The following MYLK variants were observed in gnomAD, a reference collection of about 807,000 sequenced individuals.
The protein encoded by MYLK is myosin light chain kinase, smooth muscle.
In MYLK, 106 loss-of-function variants were observed where a neutral mutation model predicts 203.4. That is an observed-to-expected ratio of 0.52 (90% confidence interval 0.45 to 0.61). The LOEUF (loss-of-function observed/expected upper bound fraction) is 0.61. MYLK is among the 20% of genes least tolerant of loss of function. The pLI, the probability that MYLK is intolerant of heterozygous loss-of-function variation, is 0.00. For synonymous variants in MYLK, 867 were observed against 959.5 expected (o/e 0.90, Z 1.78); for missense variants, 2,072 against 2,442.3 (o/e 0.85, Z 3.20).
intron 3 of MYLK, among the ~76,000 whole-genome samples, chr3:123,801,664 T>C (rs1413560262): frequency 6.6e-6 from 1 of 152,210 alleles, no homozygotes; most frequent in Non-Finnish European, 1.5e-5. Context: ...CACTTACAAG[T>C]GAGAACATGT....
chr3:123,692,324 T>A, intron 19 of MYLK: 1 of 1,161,406 alleles, frequency 8.6e-7, no homozygotes, highest in Non-Finnish European at 1.1e-6. Flanking sequence ...CTCTGCTCCC[T>A]CCTCCTCACG....
chr3:123,692,206 A>G lies in MYLK; in HGVS notation c.3565+529T>C, dbSNP rs796341043. The G allele has an allele frequency of 1.0e-4, 60 of 600,138 alleles. No individual in the cohort carries two copies. In the African/African-American group the frequency reaches 1.0e-3, roughly 10 times the overall value. The allele number at this position is 600,138 out of a possible 1,614,324, so 37.2% of individuals were successfully genotyped here. A position where few individuals can be genotyped will look rare whatever the true frequency, so the allele number is the denominator to read the frequency against. ...GTGTCCTCCCACCTCCCTCTGCAGTATTATTATTACTACTACCATTTTGTT... is the reference window on the plus strand; with the variant it reads ...GTGTCCTCCCACCTCCCTCTGCAGTGTTATTATTACTACTACCATTTTGTT... On this transcript the variant is annotated intron_variant, in intron 19 of 33. Coordinates refer to ENST00000360304, the MANE Select transcript of MYLK (RefSeq NM_053025.4).
intron 2 of MYLK, among the ~76,000 whole-genome samples, chr3:123,870,269 A>C (rs1242017399): frequency 6.6e-6 from 1 of 152,216 alleles, no homozygotes; most frequent in Non-Finnish European, 1.5e-5. Context: ...AGAGTCTCAA[A>C]ATGAAAGATC....
intron 3 of MYLK, among the ~76,000 whole-genome samples, chr3:123,796,649 C>T (rs1244591554): frequency 6.6e-6 from 1 of 152,108 alleles, no homozygotes; most frequent in Non-Finnish European, 1.5e-5. Flanking sequence ...AGAGGATGTA[C>T]CACTGAACAC....
In MYLK at chr3:123,840,370, TTA is replaced by T. The variant is rs56361020; in HGVS notation, c.-126-8702_-126-8701del. 2.2e-4 allele frequency among the ~76,000 whole-genome samples: 32 copies of T among 148,608 alleles called. 1 individual carries two copies. The highest frequency in any genetic ancestry group is 3.2e-3 in the Middle Eastern group (1 of 308). On this transcript the variant is annotated intron_variant, in intron 2 of 33. Transcript: ENST00000360304. ...AACATCACTACAAATCCTACAGACA[TTA>T]TATATATATATATATATATATGAAT... is the stretch of plus-strand genomic sequence containing the variant.
intron 19 of MYLK, among the ~76,000 whole-genome samples, chr3:123,683,092 G>A (rs1461756149): frequency 6.6e-6 from 1 of 152,084 alleles, no homozygotes; most frequent in African/African-American, 2.4e-5. Context: ...CTGGCCCCCA[G>A]GACACTATGG....
intron 1 of MYLK, among the ~76,000 whole-genome samples, chr3:123,879,722 C>T (rs1009594472): frequency 4.6e-5 from 7 of 152,170 alleles, no homozygotes; most frequent in Non-Finnish European, 1.5e-5. Flanking sequence ...GCAAGCTCCG[C>T]CTCCTGGGTT....
At chr3:123,667,229 T>C in intron 20 of MYLK, 42 bp from the exon 21 acceptor site, 1 of 1,597,622 alleles carries the variant, frequency 6.3e-7, no homozygotes, top group Non-Finnish European at 8.6e-7. Context: ...GTAGTTCTGT[T>C]TTTTTCACAA....
intron 4 of MYLK, among the ~76,000 whole-genome samples, chr3:123,769,053 G>C (rs772885153): frequency 2.6e-5 from 4 of 152,126 alleles, no homozygotes; most frequent in Non-Finnish European, 5.9e-5. Context: ...ATGTTGATCT[G>C]ATCACAGTTC....
At chr3:123,694,375 C>T (rs918421032) in intron 18 of MYLK, among the ~76,000 whole-genome samples, 17 of 152,190 alleles carry the variant, frequency 1.1e-4, no homozygotes, top group African/African-American at 2.9e-4. Flanking sequence ...GGAAGTCTGT[C>T]ATAAGAGTAA....
intron 4 of MYLK, among the ~76,000 whole-genome samples, chr3:123,753,501 A>T (rs548938657): frequency 3.6e-5 from 5 of 140,534 alleles, no homozygotes; most frequent in Non-Finnish European, 7.6e-5. Flanking sequence ...TTTGAGATGG[A>T]GTCTTGCTCT....
At chr3:123,748,269 G>C (rs1479521924) in intron 5 of MYLK, among the ~76,000 whole-genome samples, 5 of 152,182 alleles carry the variant, frequency 3.3e-5, no homozygotes, top group Non-Finnish European at 7.3e-5. Context: ...TCACCAAGGG[G>C]ATGGTATTAA....
chr3:123,875,888 A>G (rs1259196436), intron 2 of MYLK, among the ~76,000 whole-genome samples: 1 of 152,184 alleles, frequency 6.6e-6, no homozygotes. Context: ...CTGAATATTT[A>G]TTTTTTTCAA....
chr3:123,815,621 A>G (rs568934522), intron 3 of MYLK, among the ~76,000 whole-genome samples: 2 of 152,256 alleles, frequency 1.3e-5, no homozygotes, highest in African/African-American at 2.4e-5. Flanking sequence ...GCAGGATCTA[A>G]GAGCCTCTAA....
intron 23 of MYLK, 129 bp downstream of exon 23, chr3:123,663,976 C>T (rs919382568): frequency 5.9e-6 from 8 of 1,354,670 alleles, no homozygotes; most frequent in Non-Finnish European, 7.4e-6. Context: ...TTCTGTGGTG[C>T]CTTATAAATC....
chr3:123,792,196 C>T (rs1313134328), intron 4 of MYLK, among the ~76,000 whole-genome samples: 1 of 152,242 alleles, frequency 6.6e-6, no homozygotes, highest in Non-Finnish European at 1.5e-5. Context: ...TCTTCCTCTC[C>T]ATATTTGTTT....
intron 5 of MYLK, among the ~76,000 whole-genome samples, chr3:123,744,950 T>C (rs777902876): frequency 6.6e-6 from 1 of 152,188 alleles, no homozygotes; most frequent in South Asian, 2.1e-4. Context: ...AGAGCAATAG[T>C]GTAGTAACAG....
Position 123,701,019 on chromosome 3 carries a change from A to T in MYLK, c.2463-14T>A. 1 of 1,577,300 alleles carries T rather than the reference A, an allele frequency of 6.3e-7. No individual in the cohort carries two copies. Among genetic ancestry groups the T allele is most frequent in the East Asian group, 2.3e-5 (1 of 42,896 alleles). ...GGCTCCCTCCCCCTGCAACCAGTGT[A>T]GGGAAAAAGGAAAGTAGCAGGAGGA... On this transcript the variant is annotated splice_polypyrimidine_tract_variant and intron_variant, in intron 17 of 33. Coordinates refer to ENST00000360304, the MANE Select transcript of MYLK (RefSeq NM_053025.4).
At chr3:123,851,632 A>T (rs545131335) in intron 2 of MYLK, among the ~76,000 whole-genome samples, 61 of 152,338 alleles carry the variant, frequency 4.0e-4, no homozygotes, top group African/African-American at 1.4e-3. Flanking sequence ...TATCAGCTTA[A>T]GGAGATTTTG....
Sources: allele counts gnomAD v4.1 joint callset (sites outside exome capture counted in the v4.1 genomes callset), GRCh38; gene constraint gnomAD v4.1.1; transcripts MANE v1.5; gene names NCBI Gene and HGNC (gene_info 2026-07-23, HGNC 2026-07-21).